DNAJC17: variants seen among roughly 807,000 people sequenced by gnomAD.
DNAJC17 encodes dnaJ homolog subfamily C member 17.
In DNAJC17, 35 loss-of-function variants were observed where a neutral mutation model predicts 48.1. That is an observed-to-expected ratio of 0.73 (90% CI 0.56 to 0.96). The LOEUF (loss-of-function observed/expected upper bound fraction) is 0.96, where lower values mean the gene tolerates loss of function less well. Among genes scored for constraint, DNAJC17 ranks in the 50% least tolerant of loss-of-function variants. The probability of loss-of-function intolerance (pLI) is 0.00; values close to 1 mark genes in which losing one functional copy is unlikely to be tolerated. For missense variants in DNAJC17, 355 were observed against 377.1 expected (o/e 0.94, Z 0.48); for synonymous variants, 117 against 142.7 (o/e 0.82, Z 1.28).
intron 1 of DNAJC17, among the ~76,000 whole-genome samples, chr15:40,792,193 A>C (rs1889825143): frequency 6.6e-6 from 1 of 152,212 alleles, no homozygotes; most frequent in Non-Finnish European, 1.5e-5. Context: ...AGTCTTCTTA[A>C]ATTTTTAAGA....
At chr15:40,771,269 T>G in intron 10 of DNAJC17, 3 of 544,150 alleles carry the variant, frequency 5.5e-6, no homozygotes, top group Non-Finnish European at 1.0e-5. Context: ...GGGGCGGCCC[T>G]TCCTGGCAGG....
intron 7 of DNAJC17, 86 bp from the exon 8 acceptor site, chr15:40,775,194 C>G: frequency 7.1e-7 from 1 of 1,413,118 alleles, no homozygotes; most frequent in East Asian, 2.3e-5. Context: ...AGCAGACATC[C>G]TCCCACCCTC....
At position 40,767,753 on chromosome 15, in the gene DNAJC17, C is replaced by T; in HGVS notation, c.*187G>A. 1.3e-6 allele frequency: 1 copy of T among 785,016 alleles called. No individual in the cohort carries two copies. Among genetic ancestry groups the T allele is most frequent in the South Asian group, 1.9e-5 (1 of 52,158 alleles). 48.6% of individuals were successfully genotyped at this position (785,016 alleles called of 1,614,324 possible). ...TGTGCACGGACTCTGGGACTCTCACCCTGCGGAGCGTTTCCCTGGGGGTCT... is the reference window on the plus strand; with the variant it reads ...TGTGCACGGACTCTGGGACTCTCACTCTGCGGAGCGTTTCCCTGGGGGTCT... On this transcript the variant is annotated 3_prime_UTR_variant, in exon 11 of 11. Transcript: ENST00000220496.
intron 1 of DNAJC17, among the ~76,000 whole-genome samples, chr15:40,806,468 C>T (rs925408368): frequency 5.3e-5 from 8 of 152,210 alleles, no homozygotes; most frequent in Middle Eastern, 3.4e-3. Context: ...CCGCCCGCCT[C>T]GGCCTCCCAA....
chr15:40,794,663 T>C (rs185045196), intron 1 of DNAJC17, among the ~76,000 whole-genome samples: 4 of 152,250 alleles, frequency 2.6e-5, no homozygotes, highest in African/African-American at 7.2e-5. Flanking sequence ...AGCGAGACCA[T>C]CTTTAAAAAA....
chr15:40,795,153 T>A (rs1015433493), intron 1 of DNAJC17, among the ~76,000 whole-genome samples: 12 of 152,068 alleles, frequency 7.9e-5, no homozygotes, highest in Non-Finnish European at 5.9e-5. Flanking sequence ...GGCTCACGCC[T>A]GTGATCCCAA....
intron 10 of DNAJC17, chr15:40,772,452 T>G (rs1889177205): frequency 1.2e-5 from 2 of 167,124 alleles, no homozygotes. Flanking sequence ...TAACACAATC[T>G]ATGGAGTGTT....
chr15:40,781,155 A>G (rs74726162), intron 1 of DNAJC17, among the ~76,000 whole-genome samples: 3 of 33,054 alleles, frequency 9.1e-5, no homozygotes, highest in Admixed American at 2.2e-4. Flanking sequence ...CCATCTCAGA[A>G]AAAAAAAAAA....
chr15:40,770,680 G>C lies in DNAJC17; in HGVS notation c.793-2618C>G. ...GAGCTACAAGGGAGGCCAGATGGCC[G>C]GCGCCTGCCACTGTGGGGGGACGAG... On this transcript the variant is annotated intron_variant, in intron 10 of 10. Coordinates refer to ENST00000220496, the MANE Select transcript of DNAJC17 (RefSeq NM_018163.3). This position sits in a 1 kb window ranked among gnomAD's most constrained non-coding sequence, Gnocchi z 5.0. The C allele has an allele frequency of 6.5e-7, 1 of 1,548,090 alleles. No homozygotes were observed. The highest frequency in any genetic ancestry group is 8.7e-7 in the Non-Finnish European group (1 of 1,146,922).
chr15:40,772,691 C>T (rs1201577643), intron 10 of DNAJC17, among the ~76,000 whole-genome samples: 1 of 152,190 alleles, frequency 6.6e-6, no homozygotes, highest in Non-Finnish European at 1.5e-5. Flanking sequence ...GGGCTGTGGA[C>T]ACACCAGACA....
intron 10 of DNAJC17, among the ~76,000 whole-genome samples, chr15:40,768,954 C>T (rs578259254): frequency 6.6e-5 from 10 of 152,342 alleles, no homozygotes; most frequent in East Asian, 3.9e-4. Flanking sequence ...GGCCCTGATC[C>T]GCGGTACCCC....
intron 4 of DNAJC17, among the ~76,000 whole-genome samples, chr15:40,778,896 T>C (rs1364135947): frequency 6.6e-6 from 1 of 152,170 alleles, no homozygotes; most frequent in African/African-American, 2.4e-5. Flanking sequence ...ATCATGCCAC[T>C]GCGCTCCAGC....
intron 1 of DNAJC17, among the ~76,000 whole-genome samples, chr15:40,791,951 G>A (rs1889818836): frequency 6.6e-6 from 1 of 152,192 alleles, no homozygotes; most frequent in African/African-American, 2.4e-5. Context: ...TTTGGAGACA[G>A]CAGATTACAT....
At position 40,786,181 on chromosome 15, in the gene DNAJC17, G is replaced by A. The variant is rs1889636531; in HGVS notation, c.79-6184C>T. Among the ~76,000 whole-genome samples the A allele has an allele frequency of 3.3e-5, 5 of 152,186 alleles. No individual in the cohort carries two copies. In the South Asian group the frequency reaches 1.0e-3, roughly 31 times the overall value. On this transcript the variant is annotated intron_variant, in intron 1 of 10. Coordinates refer to ENST00000220496, the MANE Select transcript of DNAJC17 (RefSeq NM_018163.3). ...ATTAAATAATCCTACCTTATGAACA[G>A]CTCAAAAGGCTAGATTCAGGGTAAA...
chr15:40,805,646 C>T (rs1167406291), intron 1 of DNAJC17, among the ~76,000 whole-genome samples: 3 of 151,054 alleles, frequency 2.0e-5, no homozygotes, highest in Admixed American at 1.3e-4. Context: ...ATCGAGACCA[C>T]GGTGAAACCC....
chr15:40,770,521 T>C lies in DNAJC17; in HGVS notation c.793-2459A>G. On this transcript the variant is annotated intron_variant, in intron 10 of 10. Transcript: ENST00000220496. The surrounding 1 kb of genome is among the most constrained non-coding windows in gnomAD (Gnocchi z 5.0). ...ATGGAGACCTGGCGGAAAGGCTCCTTCCGCAACGCCTCCTTCTTCAAGCAG... is the reference window on the plus strand; with the variant it reads ...ATGGAGACCTGGCGGAAAGGCTCCTCCCGCAACGCCTCCTTCTTCAAGCAG... 1 of 1,550,320 alleles carries C rather than the reference T, an allele frequency of 6.5e-7. No individual in the cohort carries two copies. Among genetic ancestry groups the C allele is most frequent in the South Asian group, 1.2e-5 (1 of 84,042 alleles).
At chr15:40,805,817 C>T (rs1414864813) in intron 1 of DNAJC17, among the ~76,000 whole-genome samples, 10 of 151,632 alleles carry the variant, frequency 6.6e-5, no homozygotes, top group African/African-American at 2.2e-4. Flanking sequence ...GGCCACAGAG[C>T]GAGACTCCGT....
rs114485719 is a variant in DNAJC17, at chr15:40,807,060, G to A, written c.78+309C>T. 109 of 603,862 alleles carry A rather than the reference G, an allele frequency of 1.8e-4. No individual in the cohort carries two copies. In the African/African-American group the frequency reaches 1.9e-3, roughly 10 times the overall value. 37.4% of individuals were successfully genotyped at this position (603,862 alleles called of 1,614,324 possible). On this transcript the variant is annotated intron_variant, in intron 1 of 10. Coordinates refer to ENST00000220496, the MANE Select transcript of DNAJC17 (RefSeq NM_018163.3). ...CAAGGCAGAAGCGGAAACGGAGGCC[G>A]AGACTGCGCAGGCGCAGAGGAGGCT...
intron 1 of DNAJC17, 28 bp downstream of exon 1, chr15:40,807,341 G>A (rs773264453): frequency 1.9e-6 from 3 of 1,614,264 alleles, no homozygotes; most frequent in East Asian, 4.5e-5. Context: ...GACCTCTCAA[G>A]ATCAGCCTTC....
Sources: gnomAD v4.1 joint callset for allele counts (sites outside exome capture counted in the v4.1 genomes callset) on GRCh38, gnomAD v4.1.1 for gene constraint, Gnocchi (gnomAD v3.1) non-coding constraint, MANE v1.5 for transcripts, NCBI Gene and HGNC (gene_info 2026-07-23, HGNC 2026-07-21) for gene names.